ST6GALNAC5: variants seen among roughly 807,000 people sequenced by gnomAD.
ST6GALNAC5 encodes ST6 N-acetylgalactosaminide alpha-2,6-sialyltransferase 5.
ST6GALNAC5 carries 27 observed loss-of-function variants against 33.6 expected under a neutral mutation model. The observed-to-expected ratio is 0.80, with a 90% CI of 0.59 to 1.11. The LOEUF (loss-of-function observed/expected upper bound fraction) is 1.11, where lower values mean the gene tolerates loss of function less well. Among genes scored for constraint, ST6GALNAC5 ranks in the 50% least tolerant of loss-of-function variants. The pLI is 0.00. For synonymous variants in ST6GALNAC5, 194 were observed against 171.2 expected (o/e 1.13, Z -1.04); for missense variants, 428 against 454.0 (o/e 0.94, Z 0.52).
At chr1:77,043,791 C>T (rs1212099533) in intron 2 of ST6GALNAC5, among the ~76,000 whole-genome samples, 2 of 152,096 alleles carry the variant, frequency 1.3e-5, no homozygotes, top group Non-Finnish European at 2.9e-5. Flanking sequence ...CTCAAAAATA[C>T]CTAGTTTTGA....
chr1:76,940,124 C>T (rs1647298204), intron 2 of ST6GALNAC5, among the ~76,000 whole-genome samples: 1 of 146,024 alleles, frequency 6.8e-6, no homozygotes, highest in Non-Finnish European at 1.5e-5. Context: ...ACAAAATTAG[C>T]AATTTAATTA....
intron 2 of ST6GALNAC5, among the ~76,000 whole-genome samples, chr1:76,994,524 T>C (rs1041896534): frequency 3.3e-5 from 5 of 152,208 alleles, no homozygotes. Context: ...TTTTCTGAAG[T>C]TTCATTTTAA....
chr1:76,968,143 C>T (rs1221889549), intron 2 of ST6GALNAC5, among the ~76,000 whole-genome samples: 2 of 152,046 alleles, frequency 1.3e-5, no homozygotes, highest in East Asian at 3.9e-4. Context: ...TCCTTGTTAA[C>T]CTTCTGTCTC....
At chr1:77,038,109 A>G (rs1651713670) in intron 2 of ST6GALNAC5, among the ~76,000 whole-genome samples, 1 of 152,214 alleles carries the variant, frequency 6.6e-6, no homozygotes, top group South Asian at 2.1e-4. Context: ...CTATCTTCTA[A>G]ACTGCTCAGT....
intron 2 of ST6GALNAC5, among the ~76,000 whole-genome samples, chr1:76,949,633 A>C (rs1200475662): frequency 6.6e-6 from 1 of 152,006 alleles, no homozygotes. Flanking sequence ...CTGCCTCTGT[A>C]ATTGAGGTCA....
rs979874829 is a variant in ST6GALNAC5 at position 77,067,159 on chromosome 1, G to T, written c.*3953G>T. 3.4e-5 allele frequency among the ~76,000 whole-genome samples: 2 copies of T among 59,098 alleles called. No individual in the cohort carries two copies. Among genetic ancestry groups the T allele is most frequent in the African/African-American group, 1.1e-4 (1 of 9,020 alleles). The allele number at this position is 59,098 out of a possible 152,430, so 38.8% of individuals were successfully genotyped here. ...AAAGAGAACTATAATAATAAGCCCT[G>T]GGGGGCAGGATGTGTGAACCAATTG... On this transcript the variant is annotated 3_prime_UTR_variant, in exon 5 of 5. Coordinates refer to ENST00000477717, the MANE Select transcript of ST6GALNAC5 (RefSeq NM_030965.3).
At chr1:77,018,427 G>A (rs1650930843) in intron 2 of ST6GALNAC5, among the ~76,000 whole-genome samples, 1 of 152,198 alleles carries the variant, frequency 6.6e-6, no homozygotes, top group South Asian at 2.1e-4. Flanking sequence ...CCAAGTGATA[G>A]GTTTCTAGAG....
intron 2 of ST6GALNAC5, among the ~76,000 whole-genome samples, chr1:76,893,953 C>T (rs946469427): frequency 6.6e-6 from 1 of 152,190 alleles, no homozygotes; most frequent in Non-Finnish European, 1.5e-5. Context: ...GCCACCGCGC[C>T]CAGCCTAGAA....
At chr1:76,913,110 C>A (rs941975189) in intron 2 of ST6GALNAC5, among the ~76,000 whole-genome samples, 4 of 151,898 alleles carry the variant, frequency 2.6e-5, no homozygotes, top group Admixed American at 6.6e-5. Context: ...TTAGGGCAGG[C>A]CTGGTGGTGA....
intron 2 of ST6GALNAC5, among the ~76,000 whole-genome samples, chr1:76,874,274 T>C (rs1001971468): frequency 6.6e-6 from 1 of 152,212 alleles, no homozygotes; most frequent in African/African-American, 2.4e-5. Flanking sequence ...ATTGTCTCTT[T>C]ATGATTTTCC....
chr1:77,014,996 C>T (rs35800181), intron 2 of ST6GALNAC5, among the ~76,000 whole-genome samples: 29,380 of 151,828 alleles, frequency 0.19, 3,082 homozygotes, highest in Admixed American at 0.25. Context: ...TGAGCTTACT[C>T]GGTATTAGTC....
At chr1:76,902,536 A>G (rs1646827775) in intron 2 of ST6GALNAC5, among the ~76,000 whole-genome samples, 1 of 152,166 alleles carries the variant, frequency 6.6e-6, no homozygotes, top group South Asian at 2.1e-4. Context: ...AGCTGATCCC[A>G]AAATTCATAT....
intron 2 of ST6GALNAC5, among the ~76,000 whole-genome samples, chr1:76,928,811 T>C (rs529670474): frequency 6.6e-6 from 1 of 152,208 alleles, no homozygotes; most frequent in East Asian, 1.9e-4. Flanking sequence ...GTTCCACACC[T>C]ACACTGCAAA....
intron 2 of ST6GALNAC5, among the ~76,000 whole-genome samples, chr1:76,941,416 T>C (rs561434235): frequency 7.6e-4 from 115 of 152,146 alleles, no homozygotes; most frequent in African/African-American, 2.7e-3. Context: ...ACCCCACAAA[T>C]TGAATTAAGA....
chr1:76,873,535 G>C (rs1205109783), intron 2 of ST6GALNAC5, among the ~76,000 whole-genome samples: 1 of 152,122 alleles, frequency 6.6e-6, no homozygotes. Context: ...AGGAGAGAAG[G>C]ACAGACCTAC....
At chr1:76,996,695 T>A (rs74997152) in intron 2 of ST6GALNAC5, among the ~76,000 whole-genome samples, 1,665 of 152,280 alleles carry the variant, frequency 0.011, 32 homozygotes, top group African/African-American at 0.038. Context: ...TGGAACTCCT[T>A]TCAGTATGTA....
intron 2 of ST6GALNAC5, among the ~76,000 whole-genome samples, chr1:76,934,812 A>G (rs1389228871): frequency 6.6e-6 from 1 of 152,078 alleles, no homozygotes; most frequent in Non-Finnish European, 1.5e-5. Context: ...AAAAGAAAAG[A>G]AATAAAGGCA....
At chr1:76,912,798 T>C (rs1238504820) in intron 2 of ST6GALNAC5, among the ~76,000 whole-genome samples, 4 of 152,212 alleles carry the variant, frequency 2.6e-5, no homozygotes, top group Non-Finnish European at 5.9e-5. Flanking sequence ...TCCTTTTATT[T>C]TGAGCCTATG....
At chr1:76,972,899 A>C (rs549562815) in intron 2 of ST6GALNAC5, among the ~76,000 whole-genome samples, 20 of 152,096 alleles carry the variant, frequency 1.3e-4, no homozygotes, top group African/African-American at 4.6e-4. Context: ...TTTTTTTTGT[A>C]ATTATGAGTG....
Sources: gnomAD v4.1 joint callset for allele counts (sites outside exome capture counted in the v4.1 genomes callset) on GRCh38, gnomAD v4.1.1 for gene constraint, MANE v1.5 for transcripts, NCBI Gene and HGNC (gene_info 2026-07-23, HGNC 2026-07-21) for gene names.